KCNC1: variants seen among roughly 807,000 people sequenced by gnomAD.
The protein encoded by KCNC1 is potassium voltage-gated channel subfamily C member 1.
Under a neutral mutation model 43.4 loss-of-function variants are expected in KCNC1, and 8 were observed. The ratio of observed to expected loss-of-function variants is 0.18; its 90% CI spans 0.11 to 0.33. The LOEUF (loss-of-function observed/expected upper bound fraction) is 0.33, where lower values mean the gene tolerates loss of function less well. Ranked by LOEUF, KCNC1 falls within the 10% of genes least tolerant of loss-of-function variation. The probability of loss-of-function intolerance (pLI) is 1.00; values close to 1 mark genes in which losing one functional copy is unlikely to be tolerated. For missense variants in KCNC1, 420 were observed against 836.0 expected (o/e 0.50, Z 6.14); for synonymous variants, 361 against 360.5 (o/e 1.00, Z -0.01).
Position 17,782,100 on chromosome 11 carries a change from T to G in KCNC1, c.*366T>G, listed in dbSNP as rs1023811479. 37 of 208,056 alleles carry G rather than the reference T, an allele frequency of 1.8e-4. No individual in the cohort carries two copies. The highest frequency in any genetic ancestry group is 8.0e-4 in the African/African-American group (35 of 43,694). 12.9% of individuals were successfully genotyped at this position (208,056 alleles called of 1,614,324 possible). A position where few individuals can be genotyped will look rare whatever the true frequency, so the allele number is the denominator to read the frequency against. ...AATGAAAAGAAAAACATCAAAGCCCTCTATTTTCTTTCAAAGCTCTTGACT... is the reference window on the plus strand; with the variant it reads ...AATGAAAAGAAAAACATCAAAGCCCGCTATTTTCTTTCAAAGCTCTTGACT... On this transcript the variant is annotated 3_prime_UTR_variant, in exon 4 of 4. Transcript: ENST00000265969.
chr11:17,777,707 C>T lies in KCNC1; in HGVS notation c.1505-1749C>T, dbSNP rs190284839. On this transcript the variant is annotated intron_variant, in intron 2 of 3. Coordinates refer to ENST00000265969, the MANE Select transcript of KCNC1 (RefSeq NM_001112741.2). This position sits in a 1 kb window ranked among gnomAD's most constrained non-coding sequence, Gnocchi z 4.3. ...GAAGCCCCTGGGATTTGTCGAGAAA[C>T]GCACTGTACGTGAAATGCTTTGCCA... is the stretch of plus-strand genomic sequence containing the variant. The T allele has an allele frequency of 2.4e-5, 24 of 985,938 alleles. No individual in the cohort carries two copies. Among genetic ancestry groups the T allele is most frequent in the Middle Eastern group, 5.2e-4 (1 of 1,914 alleles). The allele number at this position is 985,938 out of a possible 1,614,324, so 61.1% of individuals were successfully genotyped here.
At chr11:17,740,045 C>T (rs896803737) in intron 1 of KCNC1, among the ~76,000 whole-genome samples, 1 of 152,310 alleles carries the variant, frequency 6.6e-6, no homozygotes. Context: ...GTGTGTGGGA[C>T]GGGTGGTGAG....
rs1849347871 is a variant in KCNC1 at position 17,781,625 on chromosome 11, G to A, written c.1694-45G>A. The A allele has an allele frequency of 7.4e-7, 1 of 1,355,520 alleles. No individual in the cohort carries two copies. The highest frequency in any genetic ancestry group is 1.0e-6 in the Non-Finnish European group (1 of 969,686). 84.0% of individuals were successfully genotyped at this position (1,355,520 alleles called of 1,614,324 possible). ...ACTAAGTACCAAGCGGGATGGGAGA[G>A]CCAAGAAGAGAAGCTCAAGTGTTAA... On this transcript the variant is annotated intron_variant, in intron 3 of 3. Transcript: ENST00000265969. This position sits in a 1 kb window ranked among gnomAD's most constrained non-coding sequence, Gnocchi z 5.1.
intron 1 of KCNC1, among the ~76,000 whole-genome samples, chr11:17,765,224 T>C (rs1055657620): frequency 1.3e-5 from 2 of 152,222 alleles, no homozygotes; most frequent in Non-Finnish European, 2.9e-5. Flanking sequence ...CTGCACCACG[T>C]TACAGTCATC....
In KCNC1 at chr11:17,782,895, T is replaced by C. The variant is rs948064371; in HGVS notation, c.*1161T>C. 2 of 151,994 alleles carry C rather than the reference T, an allele frequency of 1.3e-5. No individual in the cohort carries two copies. Among genetic ancestry groups the C allele is most frequent in the Non-Finnish European group, 2.9e-5 (2 of 68,000 alleles). 9.4% of individuals were successfully genotyped at this position (151,994 alleles called of 1,614,324 possible). The stretch of plus-strand genomic sequence containing the variant: ...TTAGTGGGGTGGGGGGGAAGGATGA[T>C]ATTTTTGAAAAACACATGCTTGAGT... On this transcript the variant is annotated 3_prime_UTR_variant, in exon 4 of 4. Transcript: ENST00000265969.
intron 1 of KCNC1, among the ~76,000 whole-genome samples, chr11:17,761,454 C>T (rs1849076952): frequency 6.6e-6 from 1 of 152,236 alleles, no homozygotes; most frequent in Non-Finnish European, 1.5e-5. Flanking sequence ...TGGGGTTTTG[C>T]CCTGGATCTG....
At chr11:17,767,131 T>TAAA (rs67189869) in intron 1 of KCNC1, among the ~76,000 whole-genome samples, 1 of 137,006 alleles carries the variant, frequency 7.3e-6, no homozygotes. Flanking sequence ...GACTCTGTCT[T>TAAA]AAAAAAAAAA....
chr11:17,738,803 G>T (rs948553740), intron 1 of KCNC1, among the ~76,000 whole-genome samples: 4 of 152,224 alleles, frequency 2.6e-5, no homozygotes, highest in Admixed American at 1.3e-4. Context: ...GCGCCCGGTG[G>T]TCGGGGTGAG....
chr11:17,753,610 G>C (rs1217006969), intron 1 of KCNC1, among the ~76,000 whole-genome samples: 1 of 152,214 alleles, frequency 6.6e-6, no homozygotes, highest in African/African-American at 2.4e-5. Flanking sequence ...AAACTGCCTG[G>C]GCCATCTCCT....
At chr11:17,747,859 CA>C (rs1848918507) in intron 1 of KCNC1, among the ~76,000 whole-genome samples, 1 of 152,218 alleles carries the variant, frequency 6.6e-6, no homozygotes, top group Non-Finnish European at 1.5e-5. Flanking sequence ...CACCCCTGCC[CA>C]CAATGCCACT....
In KCNC1 at chr11:17,734,804, G is replaced by T. The variant is rs150102860; in HGVS notation, c.-1199G>T. 27,477 of 151,458 alleles carry T rather than the reference G, an allele frequency of 0.18. 2,686 individuals are homozygous for T. The highest frequency in any genetic ancestry group is 0.25 in the African/African-American group (10,224 of 41,370). The allele number at this position is 151,458 out of a possible 1,614,324, so 9.4% of individuals were successfully genotyped here. The stretch of plus-strand genomic sequence containing the variant: ...CGGACCGCGCGAACGAGCAGGCGAC[G>T]GGCGAGCAGCAAGCGGAGCAGCAGC... On this transcript the variant is annotated 5_prime_UTR_variant, in exon 1 of 4. Coordinates refer to ENST00000265969, the MANE Select transcript of KCNC1 (RefSeq NM_001112741.2).
At chr11:17,763,433 C>G (rs1025383875) in intron 1 of KCNC1, among the ~76,000 whole-genome samples, 1 of 151,932 alleles carries the variant, frequency 6.6e-6, no homozygotes, top group African/African-American at 2.4e-5. Flanking sequence ...CCCAGCCAGA[C>G]CCTGGTTCCC....
At chr11:17,767,217 G>A (rs1340511121) in intron 1 of KCNC1, among the ~76,000 whole-genome samples, 21 of 150,842 alleles carry the variant, frequency 1.4e-4, no homozygotes, top group South Asian at 8.4e-4. Flanking sequence ...CCCGGGAGGC[G>A]GAGGTTGCAG....
rs531264542 is a variant in KCNC1 at position 17,773,422 on chromosome 11, C to A, written c.1504+824C>A. On this transcript the variant is annotated intron_variant, in intron 2 of 3. Transcript: ENST00000265969. The surrounding 1 kb of genome is among the most constrained non-coding windows in gnomAD (Gnocchi z 4.1). ...GACTAGAGGGGGCCACCACCCTGGG[C>A]AGCTTAGATGAAAGCGCTACAGACC... 5.1e-6 allele frequency: 5 copies of A among 985,384 alleles called. No homozygotes were observed. The East Asian group carries it at 5.7e-4, about 112-fold the overall frequency. The allele number at this position is 985,384 out of a possible 1,614,324, so 61.0% of individuals were successfully genotyped here. A position where few individuals can be genotyped will look rare whatever the true frequency, so the allele number is the denominator to read the frequency against.
rs1849352266 is a variant in KCNC1 at position 17,782,142 on chromosome 11, G to C, written c.*408G>C. On this transcript the variant is annotated 3_prime_UTR_variant, in exon 4 of 4. Transcript: ENST00000265969. ...CTCTTGACTTTCACACACGTTGTTG[G>C]AGCCAAACTGTAACGGCGTTCAGTA... 1 of 166,808 alleles carries C rather than the reference G, an allele frequency of 6.0e-6. No homozygotes were observed. Among genetic ancestry groups the C allele is most frequent in the African/African-American group, 2.4e-5 (1 of 41,978 alleles). 10.3% of individuals were successfully genotyped at this position (166,808 alleles called of 1,614,324 possible). A position where few individuals can be genotyped will look rare whatever the true frequency, so the allele number is the denominator to read the frequency against.
intron 1 of KCNC1, chr11:17,765,786 G>T (rs1170357080): frequency 6.6e-6 from 1 of 152,256 alleles, no homozygotes; most frequent in South Asian, 2.1e-4. Context: ...TGTGCCCCCT[G>T]TCAGGCCGGC....
intron 1 of KCNC1, among the ~76,000 whole-genome samples, chr11:17,741,350 A>G (rs1026799044): frequency 1.5e-4 from 23 of 152,048 alleles, no homozygotes; most frequent in Non-Finnish European, 4.4e-5. Context: ...AACTGAGGTA[A>G]TGCTTGGACA....
rs1849358457 is a variant in KCNC1 at position 17,782,545 on chromosome 11, T to C, written c.*811T>C. The C allele has an allele frequency of 6.6e-6, 1 of 152,156 alleles. No homozygotes were observed. Among genetic ancestry groups the C allele is most frequent in the Non-Finnish European group, 1.5e-5 (1 of 68,046 alleles). 9.4% of individuals were successfully genotyped at this position (152,156 alleles called of 1,614,324 possible). ...GTAAATAATCACCACCGTATGGATT[T>C]TCCAAGTGTTCCATTAAAACCAGGA... On this transcript the variant is annotated 3_prime_UTR_variant, in exon 4 of 4. Transcript: ENST00000265969.
At chr11:17,770,215 G>A (rs182424344) in intron 1 of KCNC1, among the ~76,000 whole-genome samples, 10 of 152,364 alleles carry the variant, frequency 6.6e-5, no homozygotes, top group East Asian at 1.9e-4. Context: ...CACAGGGCGC[G>A]ACCTTGGCCC....
Sources: allele counts gnomAD v4.1 joint callset (sites outside exome capture counted in the v4.1 genomes callset), GRCh38; gene constraint gnomAD v4.1.1; non-coding constraint Gnocchi (gnomAD v3.1); transcripts MANE v1.5; gene names NCBI Gene and HGNC (gene_info 2026-07-23, HGNC 2026-07-21).